The following SEL1L3 variants were observed in gnomAD, a reference collection of about 807,000 sequenced individuals.
SEL1L3 encodes protein sel-1 homolog 3.
In SEL1L3, 76 loss-of-function variants were observed where a neutral mutation model predicts 142.8. The ratio of observed to expected loss-of-function variants is 0.53; its 90% confidence interval spans 0.44 to 0.64. The LOEUF (loss-of-function observed/expected upper bound fraction) is 0.64. Ranked by LOEUF, SEL1L3 falls within the 30% of genes least tolerant of loss-of-function variation. The pLI is 0.00. For synonymous variants in SEL1L3, 504 were observed against 519.6 expected (o/e 0.97, Z 0.41); for missense variants, 1,262 against 1,381.7 (o/e 0.91, Z 1.37).
rs2109139970 is a variant in SEL1L3, at chr4:25,767,885, C to T, written c.2670-55G>A. On this transcript the variant is annotated intron_variant, in intron 17 of 23. Coordinates refer to ENST00000399878, the MANE Select transcript of SEL1L3 (RefSeq NM_015187.5). ...ATATAGTGGCTCTTACTAATATTCA[C>T]AGAGAGCTTTACATTCAAACATAAG... 3 of 1,114,674 alleles carry T rather than the reference C, an allele frequency of 2.7e-6. 1 individual carries two copies. Among genetic ancestry groups the T allele is most frequent in the African/African-American group, 3.1e-5 (2 of 64,240 alleles). The allele number at this position is 1,114,674 out of a possible 1,614,324, so 69.0% of individuals were successfully genotyped here.
intron 7 of SEL1L3, among the ~76,000 whole-genome samples, chr4:25,820,619 G>A (rs768337186): frequency 6.6e-6 from 1 of 152,304 alleles, no homozygotes; most frequent in Non-Finnish European, 1.5e-5. Flanking sequence ...AGTTTTGGTG[G>A]TGTTTTTTGT....
rs1236524386 is a variant in SEL1L3, at chr4:25,842,734, A to G, written c.733+4560T>C. 2.6e-5 allele frequency among the ~76,000 whole-genome samples: 4 copies of G among 152,258 alleles called. No homozygotes were observed. In the East Asian group the frequency reaches 7.7e-4, roughly 29 times the overall value. On this transcript the variant is annotated intron_variant, in intron 2 of 23. Transcript: ENST00000399878. ...AAGAGCATTCATTCAATCAACAAGT[A>G]GTCATGAGTGCAGGGGCCTATGATC... is the stretch of plus-strand genomic sequence containing the variant.
intron 9 of SEL1L3, among the ~76,000 whole-genome samples, chr4:25,805,447 C>A (rs753690442): frequency 4.6e-5 from 7 of 152,196 alleles, no homozygotes; most frequent in Non-Finnish European, 8.8e-5. Flanking sequence ...AAGCAGTGAG[C>A]CCTGCTTCAA....
chr4:25,819,662 G>T, intron 8 of SEL1L3, 146 bp downstream of exon 8: 1 of 654,224 alleles, frequency 1.5e-6, no homozygotes, highest in Non-Finnish European at 2.4e-6. Flanking sequence ...GTATCCACCA[G>T]TGGAGGGCTC....
chr4:25,753,669 C>T lies in SEL1L3; in HGVS notation c.3259+3865G>A, dbSNP rs538071058. Among the ~76,000 whole-genome samples, 67 of 152,356 alleles carry T rather than the reference C, an allele frequency of 4.4e-4. 1 individual carries two copies. Among genetic ancestry groups the T allele is most frequent in the Admixed American group, 2.1e-3 (32 of 15,304 alleles). ...TCATCCCATCAGCTTCACTGTACTG[C>T]TGGAGTAACTTCCTACTTAAAAATT... On this transcript the variant is annotated intron_variant, in intron 23 of 23. Transcript: ENST00000399878.
intron 13 of SEL1L3, among the ~76,000 whole-genome samples, chr4:25,785,208 CTATT>C (rs1443046753): frequency 6.6e-6 from 1 of 152,202 alleles, no homozygotes; most frequent in African/African-American, 2.4e-5. Context: ...TCTACAAACT[CTATT>C]TAAACGCTTA....
intron 7 of SEL1L3, among the ~76,000 whole-genome samples, chr4:25,821,449 G>C (rs1714747768): frequency 6.6e-6 from 1 of 152,208 alleles, no homozygotes; most frequent in Non-Finnish European, 1.5e-5. Flanking sequence ...TGGAAGCGTT[G>C]GACAGTTCCA....
downstream of SEL1L3, among the ~76,000 whole-genome samples, chr4:25,745,827 T>C (rs145749020): frequency 8.5e-4 from 129 of 152,356 alleles, 1 homozygote; most frequent in African/African-American, 2.9e-3. Flanking sequence ...CCCAGCAGCT[T>C]AGGGCAATTC....
chr4:25,762,975 A>C (rs1423885782), intron 20 of SEL1L3, among the ~76,000 whole-genome samples: 1 of 63,452 alleles, frequency 1.6e-5, no homozygotes, highest in Non-Finnish European at 3.6e-5. Flanking sequence ...ACTCTGTGTC[A>C]AAAAAAAAAA....
chr4:25,753,984 C>CATAAATAAATAAATAA (rs35245204), intron 23 of SEL1L3, among the ~76,000 whole-genome samples: 6 of 143,426 alleles, frequency 4.2e-5, no homozygotes, highest in African/African-American at 1.3e-4. Context: ...TCCGTCTCAA[C>CATAAATAAATAAATAA]ATAAATAAAT....
At chr4:25,745,746 G>A (rs952160717), downstream of SEL1L3, among the ~76,000 whole-genome samples, 1 of 152,240 alleles carries the variant, frequency 6.6e-6, no homozygotes, top group African/African-American at 2.4e-5. Context: ...TGCTGAGATT[G>A]AGAAACTCTG....
intron 20 of SEL1L3, among the ~76,000 whole-genome samples, chr4:25,760,242 G>A (rs767570357): frequency 2.6e-5 from 4 of 152,158 alleles, no homozygotes; most frequent in Non-Finnish European, 4.4e-5. Context: ...TCCTGCAAAC[G>A]ACATGATGTC....
chr4:25,730,068 C>G, the SEL1L3 span, among the ~76,000 whole-genome samples: 2 of 136,480 alleles, frequency 1.5e-5, no homozygotes, highest in African/African-American at 4.9e-5. Context: ...AAGTGATTCT[C>G]CTGCCTCAGC....
At chr4:25,753,977 G>A (rs1172160498) in intron 23 of SEL1L3, among the ~76,000 whole-genome samples, 10 of 128,390 alleles carry the variant, frequency 7.8e-5, no homozygotes, top group Admixed American at 3.3e-4. Flanking sequence ...GTGAGACTCC[G>A]TCTCAACATA....
At chr4:25,790,604 A>G (rs772055851) in intron 11 of SEL1L3, 30 bp from the exon 12 acceptor site, 21 of 1,219,190 alleles carry the variant, frequency 1.7e-5, no homozygotes, top group Non-Finnish European at 2.4e-5. Context: ...AGAAGGAAGG[A>G]GGGAAAGAAG....
intron 11 of SEL1L3, among the ~76,000 whole-genome samples, chr4:25,798,653 T>C (rs1334053250): frequency 2.6e-5 from 4 of 152,010 alleles, no homozygotes; most frequent in African/African-American, 9.7e-5. Flanking sequence ...CATGGTGAAA[T>C]CCCGTCTTCC....
intron 9 of SEL1L3, among the ~76,000 whole-genome samples, chr4:25,812,928 G>A (rs1040552956): frequency 1.4e-4 from 21 of 152,236 alleles, no homozygotes; most frequent in African/African-American, 3.4e-4. Flanking sequence ...CAGGAGAATC[G>A]CTTGAACCCA....
intron 11 of SEL1L3, 112 bp downstream of exon 11, chr4:25,802,171 G>T: frequency 2.2e-6 from 2 of 891,264 alleles, no homozygotes; most frequent in South Asian, 1.8e-5. Flanking sequence ...CTCTCCATTT[G>T]ATTATGTTCA....
chr4:25,788,573 T>C lies in SEL1L3; in HGVS notation c.2077-209A>G, dbSNP rs1458137275. ...TAATGCAAGCCAGAAATGGTTCGTG[T>C]GTGTGTGTGTGTGTGTGTGTGTGTG... On this transcript the variant is annotated intron_variant, in intron 12 of 23. Coordinates refer to ENST00000399878, the MANE Select transcript of SEL1L3 (RefSeq NM_015187.5). This position sits in a 1 kb window ranked among gnomAD's most constrained non-coding sequence, Gnocchi z 5.3. 2.3e-4 allele frequency among the ~76,000 whole-genome samples: 2 copies of C among 8,830 alleles called. No individual in the cohort carries two copies. Among genetic ancestry groups the C allele is most frequent in the Non-Finnish European group, 5.5e-4 (2 of 3,610 alleles). 5.8% of individuals were successfully genotyped at this position (8,830 alleles called of 152,430 possible). A position where few individuals can be genotyped will look rare whatever the true frequency, so the allele number is the denominator to read the frequency against.
Sources: allele counts gnomAD v4.1 joint callset (sites outside exome capture counted in the v4.1 genomes callset), GRCh38; gene constraint gnomAD v4.1.1; non-coding constraint Gnocchi (gnomAD v3.1); transcripts MANE v1.5; gene names NCBI Gene and HGNC (gene_info 2026-07-23, HGNC 2026-07-21).